Variants in COBL observed in about 807,000 individuals in gnomAD.
COBL encodes the protein protein cordon-bleu.
COBL carries 51 observed loss-of-function variants against 98.8 expected under a neutral mutation model. That is an observed-to-expected ratio of 0.52 (90% CI 0.41 to 0.65). The LOEUF (loss-of-function observed/expected upper bound fraction) is 0.65, where lower values mean the gene tolerates loss of function less well. COBL is among the 30% of genes least tolerant of loss of function. COBL has a pLI of 0.00. For missense variants in COBL, 1,617 were observed against 1,617.5 expected, an observed-to-expected ratio of 1.00 and a Z score of 0.01; for synonymous variants, 634 against 651.7, an observed-to-expected ratio of 0.97 and a Z score of 0.41.
At chr7:51,292,603 T>TAAAC (rs1248690393) in intron 1 of COBL, among the ~76,000 whole-genome samples, 6 of 152,260 alleles carry the variant, frequency 3.9e-5, no homozygotes, top group Non-Finnish European at 7.3e-5. Flanking sequence ...TGTTCTCCTT[T>TAAAC]AGCCTCTTCA....
At chr7:51,130,275 G>A (rs1277063666) in intron 6 of COBL, among the ~76,000 whole-genome samples, 4 of 152,274 alleles carry the variant, frequency 2.6e-5, no homozygotes, top group South Asian at 2.1e-4. Flanking sequence ...CACTCCAGGA[G>A]GCCAACTGGC....
intron 2 of COBL, among the ~76,000 whole-genome samples, chr7:51,219,386 A>G (rs1563053612): frequency 6.6e-6 from 1 of 152,140 alleles, no homozygotes; most frequent in Non-Finnish European, 1.5e-5. Flanking sequence ...GTCCCTTCAG[A>G]GCTGAGGATA....
chr7:51,034,451 T>C (rs917295665), intron 8 of COBL: 2 of 152,238 alleles, frequency 1.3e-5, no homozygotes, highest in African/African-American at 2.4e-5. Flanking sequence ...TCTGAGCATG[T>C]ATGAATGGAT....
In COBL at chr7:51,219,689, G is replaced by A. The variant is rs73697833; in HGVS notation, c.245+52C>T. 2,225 of 1,569,930 alleles carry A rather than the reference G, an allele frequency of 1.4e-3. 35 individuals carry two copies. In the African/African-American group the frequency reaches 0.026, roughly 18 times the overall value. On this transcript the variant is annotated intron_variant, in intron 2 of 12. Transcript: ENST00000265136. ...CAACATCCGCCTTTCCATTCTCCCC[G>A]CTATACTCGCAAAGTGAGTACAGCG... is the stretch of plus-strand genomic sequence containing the variant.
rs961148745 is a variant in COBL, at chr7:51,025,521, G to A, written c.3505-149C>T. ...TGGAGCCCTCATGAATGGGATTAGT[G>A]CTCTTATACAAAAAAGGCTCCAGGG... On this transcript the variant is annotated intron_variant, in intron 11 of 12. Transcript: ENST00000265136. 5 of 753,864 alleles carry A rather than the reference G, an allele frequency of 6.6e-6. No homozygotes were observed. In the African/African-American group the frequency reaches 8.8e-5, roughly 13 times the overall value. The allele number at this position is 753,864 out of a possible 1,614,324, so 46.7% of individuals were successfully genotyped here.
chr7:51,063,138 CTTT>C (rs68014446), intron 7 of COBL, among the ~76,000 whole-genome samples: 54 of 144,062 alleles, frequency 3.7e-4, no homozygotes, highest in South Asian at 6.6e-4. Context: ...TTTTCTCTCT[CTTT>C]TTTTTTTTTT....
intron 5 of COBL, among the ~76,000 whole-genome samples, chr7:51,179,131 G>C (rs1240728031): frequency 3.3e-5 from 5 of 152,276 alleles, no homozygotes; most frequent in African/African-American, 9.6e-5. Context: ...AATCCAAACA[G>C]GGACCCTGGA....
intron 1 of COBL, among the ~76,000 whole-genome samples, chr7:51,305,205 TA>T (rs1365250668): frequency 1.3e-5 from 2 of 152,080 alleles, no homozygotes; most frequent in African/African-American, 4.8e-5. Flanking sequence ...CCGCCCTAAG[TA>T]AAAAATGTTA....
At chr7:51,022,711 C>G (rs1787061574) in intron 12 of COBL, 1 of 152,262 alleles carries the variant, frequency 6.6e-6, no homozygotes, top group African/African-American at 2.4e-5. Flanking sequence ...CCCTTCATGA[C>G]TCTGCACAAG....
At chr7:51,231,301 C>A (rs984662533) in intron 1 of COBL, among the ~76,000 whole-genome samples, 3 of 152,208 alleles carry the variant, frequency 2.0e-5, no homozygotes, top group Admixed American at 6.5e-5. Context: ...CCCCCTCTAA[C>A]ATGCTAAAGA....
rs1051496102 is a variant in COBL at position 51,238,232 on chromosome 7, G to A, written c.42-18288C>T. On this transcript the variant is annotated intron_variant, in intron 1 of 12. Coordinates refer to ENST00000265136, the MANE Select transcript of COBL (RefSeq NM_015198.5). ...CTACCAGTTTTGTATCCTGAAGCACGGAAGCCACATGACTTCCACACCTGA... is the reference window on the plus strand; with the variant it reads ...CTACCAGTTTTGTATCCTGAAGCACAGAAGCCACATGACTTCCACACCTGA... Among the ~76,000 whole-genome samples the A allele has an allele frequency of 5.9e-5, 9 of 152,172 alleles. No homozygotes were observed. In the South Asian group the frequency reaches 6.2e-4, roughly 11 times the overall value.
At chr7:51,217,334 CT>C (rs1264640057) in intron 2 of COBL, among the ~76,000 whole-genome samples, 1 of 140,806 alleles carries the variant, frequency 7.1e-6, no homozygotes, top group African/African-American at 2.7e-5. Flanking sequence ...ATTTTCTTTT[CT>C]TTTTCTTTTT....
At chr7:51,202,561 G>A (rs1178217504) in intron 2 of COBL, among the ~76,000 whole-genome samples, 2 of 152,140 alleles carry the variant, frequency 1.3e-5, no homozygotes. Context: ...CAGAAAGGGA[G>A]GACTACGGTA....
intron 1 of COBL, among the ~76,000 whole-genome samples, chr7:51,266,122 T>C (rs931349657): frequency 3.3e-5 from 5 of 152,240 alleles, no homozygotes; most frequent in African/African-American, 1.2e-4. Flanking sequence ...TTTAATTTTG[T>C]AAGAAACAAT....
At chr7:51,192,735 T>C (rs1790230749) in intron 3 of COBL, among the ~76,000 whole-genome samples, 1 of 152,236 alleles carries the variant, frequency 6.6e-6, no homozygotes, top group Non-Finnish European at 1.5e-5. Context: ...TAAATATTTC[T>C]GACATCAGTT....
At chr7:51,141,577 C>G (rs538516812) in intron 5 of COBL, among the ~76,000 whole-genome samples, 25 of 151,930 alleles carry the variant, frequency 1.6e-4, no homozygotes, top group African/African-American at 5.8e-4. Context: ...GTTCCTGTTG[C>G]TGCCTGCAGC....
chr7:51,232,135 T>C (rs571610202), intron 1 of COBL, among the ~76,000 whole-genome samples: 11 of 152,222 alleles, frequency 7.2e-5, no homozygotes, highest in South Asian at 2.1e-4. Context: ...CCATCCCAGA[T>C]AGAGAATCAG....
intron 6 of COBL, among the ~76,000 whole-genome samples, chr7:51,112,416 C>T (rs1361812601): frequency 6.6e-6 from 1 of 152,048 alleles, no homozygotes; most frequent in East Asian, 1.9e-4. Flanking sequence ...TTAAAAACTA[C>T]TTATTAACAC....
chr7:51,124,411 C>T (rs980748574), intron 6 of COBL, among the ~76,000 whole-genome samples: 2 of 152,264 alleles, frequency 1.3e-5, no homozygotes, highest in South Asian at 4.1e-4. Flanking sequence ...TCTGCTTGGA[C>T]TTCTTCCATG....
Sources: allele counts gnomAD v4.1 joint callset (sites outside exome capture counted in the v4.1 genomes callset), GRCh38; gene constraint gnomAD v4.1.1; transcripts MANE v1.5; gene names NCBI Gene and HGNC (gene_info 2026-07-23, HGNC 2026-07-21).